SYN3: variants seen among roughly 807,000 people sequenced by gnomAD.
The protein encoded by SYN3 is synapsin-3.
SYN3 carries 35 observed loss-of-function variants against 65.8 expected under a neutral mutation model. The ratio of observed to expected loss-of-function variants is 0.53; its 90% CI spans 0.41 to 0.70. The LOEUF (loss-of-function observed/expected upper bound fraction) is 0.70. Among genes scored for constraint, SYN3 ranks in the 30% least tolerant of loss-of-function variants. SYN3 has a pLI of 0.00. For synonymous variants in SYN3, 270 were observed against 292.9 expected, an observed-to-expected ratio of 0.92 and a Z score of 0.80; for missense variants, 680 against 749.0, an observed-to-expected ratio of 0.91 and a Z score of 1.08.
intron 7 of SYN3, among the ~76,000 whole-genome samples, chr22:32,562,114 C>T (rs1056631909): frequency 2.6e-5 from 4 of 152,156 alleles, no homozygotes; most frequent in African/African-American, 7.2e-5. Context: ...AGAAGCACCC[C>T]GGTTCTGTCA....
intron 10 of SYN3, among the ~76,000 whole-genome samples, chr22:32,530,526 G>A (rs139406064): frequency 6.4e-4 from 97 of 151,926 alleles, no homozygotes; most frequent in Non-Finnish European, 1.2e-3. Context: ...CTTGGCTTCT[G>A]CTGTGTATTT....
chr22:32,763,584 G>A (rs2045545049), intron 6 of SYN3, among the ~76,000 whole-genome samples: 1 of 152,226 alleles, frequency 6.6e-6, no homozygotes. Flanking sequence ...GGCAGAGCCA[G>A]GACTCAAATC....
intron 6 of SYN3, among the ~76,000 whole-genome samples, chr22:32,653,008 T>C (rs1277782509): frequency 1.3e-5 from 2 of 152,246 alleles, no homozygotes; most frequent in Non-Finnish European, 2.9e-5. Flanking sequence ...TTTTCTTCTC[T>C]TGGCCTAGAG....
chr22:32,919,527 A>AAC (rs1348236865), intron 4 of SYN3, among the ~76,000 whole-genome samples: 4 of 152,208 alleles, frequency 2.6e-5, no homozygotes, highest in South Asian at 2.1e-4. Flanking sequence ...CACTTTTCCA[A>AAC]ACACACACAC....
rs189154916 is a variant in SYN3 at position 32,959,508 on chromosome 22, G to A, written c.369+21137C>T. Among the ~76,000 whole-genome samples, 352 of 151,702 alleles carry A rather than the reference G, an allele frequency of 2.3e-3. 2 individuals carry two copies. Among genetic ancestry groups the A allele is most frequent in the African/African-American group, 7.0e-3 (289 of 41,366 alleles). On this transcript the variant is annotated intron_variant, in intron 3 of 13. Coordinates refer to ENST00000358763, the MANE Select transcript of SYN3 (RefSeq NM_003490.4). ...AGAGGTTGCAGTGAGCCAAGATTGC[G>A]CCACTGTACTCCAGCCTGGGTGACA...
intron 4 of SYN3, among the ~76,000 whole-genome samples, chr22:32,869,699 T>TG (rs2048798707): frequency 7.3e-6 from 1 of 137,250 alleles, no homozygotes; most frequent in Admixed American, 7.1e-5. Context: ...GGTTTTTTTT[T>TG]TTTTTTTTTT....
intron 1 of SYN3, among the ~76,000 whole-genome samples, chr22:33,046,275 T>C (rs2054063148): frequency 1.3e-5 from 2 of 152,194 alleles, no homozygotes; most frequent in Non-Finnish European, 2.9e-5. Context: ...AGAAATTAGT[T>C]TGGAAGTTTC....
intron 1 of SYN3, among the ~76,000 whole-genome samples, chr22:33,031,485 C>A (rs946705852): frequency 8.5e-5 from 13 of 152,154 alleles, no homozygotes; most frequent in African/African-American, 3.1e-4. Flanking sequence ...GACATCTCCC[C>A]ACTGGACAAA....
At chr22:32,636,219 G>C (rs1454132591) in intron 6 of SYN3, among the ~76,000 whole-genome samples, 1 of 151,792 alleles carries the variant, frequency 6.6e-6, no homozygotes, top group Non-Finnish European at 1.5e-5. Flanking sequence ...GGCTAACACA[G>C]TGAAACCCCG....
chr22:32,764,084 T>TCCACCA (rs909883172), intron 6 of SYN3, among the ~76,000 whole-genome samples: 1 of 151,938 alleles, frequency 6.6e-6, no homozygotes, highest in Non-Finnish European at 1.5e-5. Flanking sequence ...ATTACAGGCA[T>TCCACCA]CCACCACCAC....
chr22:33,006,121 G>A (rs973831373), intron 2 of SYN3, among the ~76,000 whole-genome samples: 2 of 152,286 alleles, frequency 1.3e-5, no homozygotes, highest in East Asian at 3.9e-4. Context: ...GCAGGCGAGG[G>A]ACTGTGGACC....
At chr22:32,911,167 G>A (rs1380939229) in intron 4 of SYN3, among the ~76,000 whole-genome samples, 3 of 152,180 alleles carry the variant, frequency 2.0e-5, no homozygotes, top group South Asian at 2.1e-4. Context: ...GCAGTCTGGG[G>A]TCTGGGCATC....
At position 32,556,804 on chromosome 22, in the gene SYN3, G is replaced by GTTTTT. The variant is rs1555895619; in HGVS notation, c.775-15096_775-15092dup. 6.8e-5 allele frequency among the ~76,000 whole-genome samples: 3 copies of GTTTTT among 43,914 alleles called. 1 individual carries two copies. Among genetic ancestry groups the GTTTTT allele is most frequent in the African/African-American group, 2.6e-4 (3 of 11,498 alleles). 28.8% of individuals were successfully genotyped at this position (43,914 alleles called of 152,430 possible). On this transcript the variant is annotated intron_variant, in intron 7 of 13. Coordinates refer to ENST00000358763, the MANE Select transcript of SYN3 (RefSeq NM_003490.4). Reference sequence around the variant, plus strand: ...AATGACCCAATCTATAGGTTTCCTGGTTTTTTTTTTTTTTTTTTTTTTTTT... The same window carrying GTTTTT: ...AATGACCCAATCTATAGGTTTCCTGGTTTTTTTTTTTTTTTTTTTTTTTTTTTTTT...
At chr22:32,515,199 G>T (rs1052233503) in intron 13 of SYN3, among the ~76,000 whole-genome samples, 1 of 152,156 alleles carries the variant, frequency 6.6e-6, no homozygotes, top group Non-Finnish European at 1.5e-5. Context: ...TGTGTTTTTA[G>T]CTAGAACACT....
intron 3 of SYN3, among the ~76,000 whole-genome samples, chr22:32,950,782 G>A (rs536259154): frequency 3.3e-5 from 5 of 152,258 alleles, no homozygotes; most frequent in African/African-American, 4.8e-5. Flanking sequence ...TAAGGGTAGC[G>A]AACCTGGGGC....
At chr22:32,811,771 T>C (rs1049094137) in intron 6 of SYN3, among the ~76,000 whole-genome samples, 1 of 152,152 alleles carries the variant, frequency 6.6e-6, no homozygotes, top group African/African-American at 2.4e-5. Flanking sequence ...ATATAGCCAA[T>C]ACATGGAATG....
intron 6 of SYN3, among the ~76,000 whole-genome samples, chr22:32,639,959 C>G (rs2059872679): frequency 1.3e-5 from 2 of 152,140 alleles, no homozygotes; most frequent in South Asian, 4.1e-4. Context: ...GATCCTGATC[C>G]AATTCTTCAG....
At chr22:32,910,762 A>G (rs1243697541) in intron 4 of SYN3, among the ~76,000 whole-genome samples, 1 of 152,234 alleles carries the variant, frequency 6.6e-6, no homozygotes, top group African/African-American at 2.4e-5. Context: ...GGTCGTTCAG[A>G]GGATTCAAGG....
chr22:32,533,099 G>A (rs539858310), intron 10 of SYN3, among the ~76,000 whole-genome samples: 38 of 152,056 alleles, frequency 2.5e-4, no homozygotes, highest in South Asian at 1.5e-3. Context: ...GAGAGGAAGC[G>A]GCGGGGATGG....
Sources: allele counts gnomAD v4.1 joint callset (sites outside exome capture counted in the v4.1 genomes callset), GRCh38; gene constraint gnomAD v4.1.1; transcripts MANE v1.5; gene names NCBI Gene and HGNC (gene_info 2026-07-23, HGNC 2026-07-21).